RASAL2: variants seen among roughly 807,000 people sequenced by gnomAD.
RASAL2 encodes ras GTPase-activating protein nGAP.
RASAL2 carries 58 observed loss-of-function variants against 128.9 expected under a neutral mutation model. The observed-to-expected ratio is 0.45, with a 90% confidence interval of 0.36 to 0.56. The LOEUF (loss-of-function observed/expected upper bound fraction) is 0.56. RASAL2 is among the 20% of genes least tolerant of loss of function. The probability of loss-of-function intolerance (pLI) is 0.00; values close to 1 mark genes in which losing one functional copy is unlikely to be tolerated. For synonymous variants in RASAL2, 561 were observed against 580.8 expected, an observed-to-expected ratio of 0.97 and a Z score of 0.49; for missense variants, 1,360 against 1,601.6, an observed-to-expected ratio of 0.85 and a Z score of 2.57.
chr1:178,294,233 C>A (rs1667396964), intron 2 of RASAL2, among the ~76,000 whole-genome samples: 1 of 152,122 alleles, frequency 6.6e-6, no homozygotes. Flanking sequence ...TGCAGAAGCC[C>A]TGTACAACAG....
intron 4 of RASAL2, among the ~76,000 whole-genome samples, chr1:178,415,083 C>G (rs917780045): frequency 2.0e-5 from 3 of 151,974 alleles, no homozygotes; most frequent in Non-Finnish European, 2.9e-5. Context: ...CGATTCTGCA[C>G]TAATTTTTAT....
intron 1 of RASAL2, among the ~76,000 whole-genome samples, chr1:178,190,624 G>A (rs990926240): frequency 2.6e-5 from 4 of 152,044 alleles, no homozygotes; most frequent in South Asian, 2.1e-4. Context: ...CAAGGAGTCC[G>A]TGATCTAATG....
chr1:178,297,560 T>TCA (rs1667571990), intron 2 of RASAL2, among the ~76,000 whole-genome samples: 1 of 128,348 alleles, frequency 7.8e-6, no homozygotes, highest in Non-Finnish European at 1.5e-5. Context: ...TGAGCCAAAA[T>TCA]CACACCACTG....
At chr1:178,469,666 G>A (rs1025540107) in intron 17 of RASAL2, among the ~76,000 whole-genome samples, 4 of 152,174 alleles carry the variant, frequency 2.6e-5, no homozygotes, top group Non-Finnish European at 5.9e-5. Flanking sequence ...CAAGACAGTG[G>A]TTTTGAAATG....
At chr1:178,468,765 G>C (rs560857340) in intron 17 of RASAL2, among the ~76,000 whole-genome samples, 1 of 152,186 alleles carries the variant, frequency 6.6e-6, no homozygotes, top group Non-Finnish European at 1.5e-5. Context: ...TGAGGTAAGG[G>C]TAGTGGAGAC....
In RASAL2 at chr1:178,131,404, GGA is replaced by G. The variant is rs1660113905; in HGVS notation, c.202+36713_202+36714del. On this transcript the variant is annotated intron_variant, in intron 1 of 17. Coordinates refer to ENST00000367649, the MANE Select transcript of RASAL2 (RefSeq NM_170692.4). ...TTTTTTTTTTTTTTTTTTTTTTTGT[GGA>G]GACAGGGTACGTATTTGTTGCCGAG... Among the ~76,000 whole-genome samples the G allele has an allele frequency of 7.3e-5, 4 of 55,172 alleles. No homozygotes were observed. The South Asian group carries it at 1.9e-3, about 27-fold the overall frequency. 36.2% of individuals were successfully genotyped at this position (55,172 alleles called of 152,430 possible).
chr1:178,365,581 C>T (rs1183029028), intron 3 of RASAL2, among the ~76,000 whole-genome samples: 1 of 152,134 alleles, frequency 6.6e-6, no homozygotes, highest in African/African-American at 2.4e-5. Flanking sequence ...AAGTGATTCT[C>T]CTGCCTCAGC....
At chr1:178,151,282 T>C (rs1266689270) in intron 1 of RASAL2, among the ~76,000 whole-genome samples, 1 of 152,164 alleles carries the variant, frequency 6.6e-6, no homozygotes, top group Admixed American at 6.5e-5. Flanking sequence ...GGCACATGCC[T>C]GTGGTCCTAG....
At chr1:178,294,609 A>G (rs967038918) in intron 2 of RASAL2, among the ~76,000 whole-genome samples, 29 of 152,302 alleles carry the variant, frequency 1.9e-4, no homozygotes, top group African/African-American at 6.3e-4. Context: ...CTATCTGTCT[A>G]TCTGTCTGTC....
chr1:178,375,888 GT>G (rs1413070628), intron 3 of RASAL2, among the ~76,000 whole-genome samples: 1 of 152,124 alleles, frequency 6.6e-6, no homozygotes, highest in Non-Finnish European at 1.5e-5. Flanking sequence ...AGAAAAAACA[GT>G]TTTGGTAATT....
At chr1:178,451,863 C>T (rs1293540796) in intron 10 of RASAL2, 148 bp downstream of exon 10, 2 of 949,746 alleles carry the variant, frequency 2.1e-6, no homozygotes, top group African/African-American at 3.3e-5. Context: ...GAAAGTTTCC[C>T]TAATACAGTC....
chr1:178,385,143 A>G (rs2102581935), intron 3 of RASAL2, among the ~76,000 whole-genome samples: 1 of 152,314 alleles, frequency 6.6e-6, no homozygotes, highest in African/African-American at 2.4e-5. Flanking sequence ...TATCACATTC[A>G]TTATTCAAAA....
chr1:178,304,114 A>G (rs566929316), intron 3 of RASAL2, among the ~76,000 whole-genome samples: 2 of 152,176 alleles, frequency 1.3e-5, no homozygotes, highest in South Asian at 2.1e-4. Context: ...AACAAGCTAA[A>G]TTGTACTGTC....
In RASAL2 at chr1:178,096,535, TC is replaced by T. The variant is rs1172753020; in HGVS notation, c.202+1842del. 1.7e-4 allele frequency among the ~76,000 whole-genome samples: 26 copies of T among 152,038 alleles called. No individual in the cohort carries two copies. In the East Asian group the frequency reaches 5.0e-3, roughly 29 times the overall value. ...AAGTTTACATTATGTTTTTTTTCTT[TC>T]GTCCTTCTGAACAGGATATATGTTT... On this transcript the variant is annotated intron_variant, in intron 1 of 17. Transcript: ENST00000367649.
intron 5 of RASAL2, among the ~76,000 whole-genome samples, chr1:178,436,366 G>A (rs1002538116): frequency 2.6e-5 from 4 of 151,962 alleles, no homozygotes; most frequent in African/African-American, 7.2e-5. Flanking sequence ...TAAAATTTCG[G>A]TAACTAGGAA....
At chr1:178,131,375 C>CTTTTTTTTTTTTTTTTT (rs71108028) in intron 1 of RASAL2, among the ~76,000 whole-genome samples, 1 of 82,606 alleles carries the variant, frequency 1.2e-5, no homozygotes, top group East Asian at 3.5e-4. Context: ...CCTGGATAAT[C>CTTTTTTTTTTTTTTTTT]TTTTTTTTTT....
chr1:178,372,280 G>A, intron 3 of RASAL2: 2 of 985,366 alleles, frequency 2.0e-6, no homozygotes, highest in South Asian at 9.4e-5. Flanking sequence ...GGAGTGGTTG[G>A]ATAGTAGCAC....
chr1:178,354,823 A>T (rs561365706), intron 3 of RASAL2, among the ~76,000 whole-genome samples: 1 of 152,360 alleles, frequency 6.6e-6, no homozygotes, highest in South Asian at 2.1e-4. Context: ...TCTAAAGTAG[A>T]TATATACTAC....
chr1:178,362,200 G>T (rs1305363160), intron 3 of RASAL2, among the ~76,000 whole-genome samples: 1 of 152,126 alleles, frequency 6.6e-6, no homozygotes, highest in African/African-American at 2.4e-5. Context: ...ATCTAGAGAT[G>T]ATTTAAAGTA....
Sources: gnomAD v4.1 joint callset for allele counts (sites outside exome capture counted in the v4.1 genomes callset) on GRCh38, gnomAD v4.1.1 for gene constraint, MANE v1.5 for transcripts, NCBI Gene and HGNC (gene_info 2026-07-23, HGNC 2026-07-21) for gene names.